Variants in TECRL observed in about 807,000 individuals in gnomAD.
TECRL encodes the protein trans-2,3-enoyl-CoA reductase like, also known as trans-2,3-enoyl-CoA reductase-like.
A neutral mutation model predicts 52.8 loss-of-function variants in TECRL; 63 were observed. The ratio of observed to expected loss-of-function variants is 1.19; its 90% CI spans 0.97 to 1.47. TECRL has a LOEUF of 1.47. TECRL is among the 40% of genes most tolerant of loss of function. The pLI is 0.00. For missense variants in TECRL, 482 were observed against 429.6 expected, an observed-to-expected ratio of 1.12 and a Z score of -1.08; for synonymous variants, 164 against 141.9, an observed-to-expected ratio of 1.16 and a Z score of -1.10.
intron 7 of TECRL, chr4:64,304,822 G>A (rs1724232930): frequency 6.3e-6 from 1 of 158,404 alleles, no homozygotes; most frequent in African/African-American, 2.4e-5. Context: ...ATAATTAAAT[G>A]TTTATCATTT....
rs996126989 is a variant in TECRL at position 64,305,093 on chromosome 4, T to A, written c.730+73A>T. The A allele has an allele frequency of 2.9e-6, 3 of 1,030,012 alleles. No individual in the cohort carries two copies. The African/African-American group carries it at 4.8e-5, about 16-fold the overall frequency. The allele number at this position is 1,030,012 out of a possible 1,614,324, so 63.8% of individuals were successfully genotyped here. A position where few individuals can be genotyped will look rare whatever the true frequency, so the allele number is the denominator to read the frequency against. On this transcript the variant is annotated intron_variant, in intron 7 of 11. Transcript: ENST00000381210. ...GTTTCATTTTTTACTTATTCCTTTA[T>A]GTATGTCATTTAGAATAGAGTTTTT...
chr4:64,408,813 A>T (rs1253927779), intron 1 of TECRL, among the ~76,000 whole-genome samples: 1 of 152,156 alleles, frequency 6.6e-6, no homozygotes, highest in Non-Finnish European at 1.5e-5. Context: ...GTAGGAAAAT[A>T]GGTTGAGCAT....
chr4:64,294,734 T>C (rs1428134619), intron 8 of TECRL, among the ~76,000 whole-genome samples: 1 of 152,098 alleles, frequency 6.6e-6, no homozygotes, highest in Non-Finnish European at 1.5e-5. Context: ...TTTGTTTAGT[T>C]TCAGTTATTA....
At chr4:64,375,340 T>A in intron 1 of TECRL, 117 bp from the exon 2 acceptor site, 1 of 503,140 alleles carries the variant, frequency 2.0e-6, no homozygotes, top group East Asian at 4.1e-5. Context: ...AATTTTTGCT[T>A]CATTTATCTT....
rs141477216 is a variant in TECRL at position 64,341,079 on chromosome 4, C to T, written c.287-12523G>A. 7.8e-3 allele frequency among the ~76,000 whole-genome samples: 1,182 copies of T among 152,200 alleles called. 18 individuals carry two copies. Among genetic ancestry groups the T allele is most frequent in the African/African-American group, 0.027 (1,107 of 41,520 alleles). ...GGGACAACCTGCCCATGGAGAGGAG[C>T]TTCCCACTCTAGGGTCTCCTCTCTG... is the stretch of plus-strand genomic sequence containing the variant. On this transcript the variant is annotated intron_variant, in intron 2 of 11. Coordinates refer to ENST00000381210, the MANE Select transcript of TECRL (RefSeq NM_001010874.5).
intron 9 of TECRL, among the ~76,000 whole-genome samples, chr4:64,283,475 A>G (rs971682895): frequency 5.3e-5 from 8 of 152,106 alleles, no homozygotes; most frequent in African/African-American, 1.9e-4. Context: ...ATCCAAGTGT[A>G]AAAATCTTTT....
At chr4:64,370,044 C>A (rs1721876177) in intron 2 of TECRL, among the ~76,000 whole-genome samples, 1 of 151,530 alleles carries the variant, frequency 6.6e-6, no homozygotes, top group African/African-American at 2.4e-5. Flanking sequence ...GGGTTTTAAA[C>A]AGAGAAAGAT....
At chr4:64,301,577 A>G (rs906210974) in intron 7 of TECRL, among the ~76,000 whole-genome samples, 2 of 142,454 alleles carry the variant, frequency 1.4e-5, no homozygotes, top group Non-Finnish European at 3.1e-5. Flanking sequence ...ATGATAACAA[A>G]CGGAAGTTTG....
intron 2 of TECRL, among the ~76,000 whole-genome samples, chr4:64,339,048 G>C (rs1417811730): frequency 6.6e-6 from 1 of 151,936 alleles, no homozygotes; most frequent in Non-Finnish European, 1.5e-5. Context: ...GTCCAACAAT[G>C]ATAGACTGGA....
chr4:64,333,084 A>T (rs892706753), intron 2 of TECRL, among the ~76,000 whole-genome samples: 1 of 152,026 alleles, frequency 6.6e-6, no homozygotes, highest in Non-Finnish European at 1.5e-5. Context: ...TGATGACAAG[A>T]TCTATATACT....
At chr4:64,375,318 T>G (rs1008634828) in intron 1 of TECRL, 95 bp from the exon 2 acceptor site, 2 of 598,378 alleles carry the variant, frequency 3.3e-6, no homozygotes, top group African/African-American at 2.0e-5. Flanking sequence ...CATAAAATTC[T>G]TACACAATAA....
intron 4 of TECRL, among the ~76,000 whole-genome samples, chr4:64,322,337 G>A (rs1717955753): frequency 1.3e-5 from 2 of 151,586 alleles, no homozygotes; most frequent in African/African-American, 4.9e-5. Context: ...TTCTTCCTTG[G>A]CAATACTTGT....
At chr4:64,288,241 T>C (rs1723183421) in intron 9 of TECRL, among the ~76,000 whole-genome samples, 1 of 151,962 alleles carries the variant, frequency 6.6e-6, no homozygotes, top group Admixed American at 6.6e-5. Flanking sequence ...CAAGAACCGC[T>C]AATGAACACA....
chr4:64,342,711 T>A (rs149023465), intron 2 of TECRL, among the ~76,000 whole-genome samples: 2 of 152,208 alleles, frequency 1.3e-5, no homozygotes, highest in African/African-American at 4.8e-5. Context: ...CACAAAAGTA[T>A]CTATCTATTC....
Position 64,281,535 on chromosome 4 carries a change from G to T in TECRL, c.857C>A (p.Pro286Gln), listed in dbSNP as rs1363788375. ...CATCCATGTGAAGGGGTTATAATTTGGACTTGGGAAACAGGCATTGTTTCC... is the reference window on the plus strand; with the variant it reads ...CATCCATGTGAAGGGGTTATAATTTTGACTTGGGAAACAGGCATTGTTTCC... ...HTGNNACFPS[P>Q]NYNPFTWMFF... The change falls in exon 10 of 12, where the codon CCA (proline) becomes CAA (glutamine). Residue 286 changes from proline to glutamine, a missense_variant. Pro to Gln is a moderately conservative substitution (Grantham distance 76, BLOSUM62 -1). Coordinates refer to ENST00000381210, the MANE Select transcript of TECRL (RefSeq NM_001010874.5). 6.2e-7 allele frequency: 1 copy of T among 1,603,480 alleles called. No homozygotes were observed. Among genetic ancestry groups the T allele is most frequent in the Non-Finnish European group, 8.5e-7 (1 of 1,174,290 alleles).
chr4:64,397,116 A>C (rs1194474955), intron 1 of TECRL, among the ~76,000 whole-genome samples: 1 of 152,162 alleles, frequency 6.6e-6, no homozygotes, highest in Non-Finnish European at 1.5e-5. Flanking sequence ...CAACAAAAAA[A>C]AATTTATCTT....
intron 8 of TECRL, among the ~76,000 whole-genome samples, chr4:64,290,079 A>G (rs1375226838): frequency 1.3e-5 from 2 of 152,208 alleles, no homozygotes; most frequent in African/African-American, 4.8e-5. Flanking sequence ...CTTCCAGATC[A>G]TACAGAGACA....
chr4:64,295,521 T>C (rs934084122), intron 8 of TECRL, among the ~76,000 whole-genome samples: 1 of 151,480 alleles, frequency 6.6e-6, no homozygotes, highest in African/African-American at 2.4e-5. Context: ...AGAGCTCTCA[T>C]GCAATATTGT....
chr4:64,312,205 ATG>A (rs1233523197), intron 5 of TECRL, among the ~76,000 whole-genome samples: 2 of 152,186 alleles, frequency 1.3e-5, no homozygotes, highest in African/African-American at 4.8e-5. Context: ...CAACATTTTA[ATG>A]TGTTTCAATT....
Sources: gnomAD v4.1 joint callset for allele counts (sites outside exome capture counted in the v4.1 genomes callset) on GRCh38, gnomAD v4.1.1 for gene constraint, MANE v1.5 for transcripts, NCBI Gene and HGNC (gene_info 2026-07-23, HGNC 2026-07-21) for gene names.